WFDC1: variants seen among roughly 807,000 people sequenced by gnomAD.
The protein encoded by WFDC1 is WAP four-disulfide core domain protein 1.
In WFDC1, 39 loss-of-function variants were observed where a neutral mutation model predicts 32.9. The observed-to-expected ratio is 1.19, with a 90% confidence interval of 0.92 to 1.55. WFDC1 has a LOEUF of 1.55. Ranked by LOEUF, WFDC1 falls within the 40% of genes most tolerant of loss-of-function variation. The pLI is 0.00. For missense variants in WFDC1, 386 were observed against 309.5 expected (o/e 1.25, Z -1.85); for synonymous variants, 184 against 137.4 (o/e 1.34, Z -2.37).
At chr16:84,296,244 G>T (rs1036999677) in intron 1 of WFDC1, among the ~76,000 whole-genome samples, 3 of 152,226 alleles carry the variant, frequency 2.0e-5, no homozygotes, top group Non-Finnish European at 4.4e-5. Context: ...AGCTGGCAGT[G>T]CATCTTGGCA....
chr16:84,322,147 G>A (rs982438713), intron 4 of WFDC1, among the ~76,000 whole-genome samples: 2 of 104,592 alleles, frequency 1.9e-5, no homozygotes, highest in Admixed American at 1.1e-4. Context: ...CTCAGAGCCT[G>A]TGTGTGTGTG....
intron 4 of WFDC1, among the ~76,000 whole-genome samples, chr16:84,322,594 T>C (rs906648900): frequency 7.9e-5 from 12 of 152,170 alleles, no homozygotes; most frequent in African/African-American, 2.9e-4. Context: ...TCTGGACCAT[T>C]TGAGAGTAAG....
At chr16:84,310,098 G>C (rs575317958) in intron 1 of WFDC1, among the ~76,000 whole-genome samples, 1 of 152,216 alleles carries the variant, frequency 6.6e-6, no homozygotes, top group Admixed American at 6.5e-5. Context: ...AGACACAGGA[G>C]GCTCGAGGCC....
At chr16:84,303,761 G>A (rs376301430) in intron 1 of WFDC1, among the ~76,000 whole-genome samples, 22 of 152,158 alleles carry the variant, frequency 1.4e-4, no homozygotes, top group African/African-American at 4.8e-4. Flanking sequence ...CGTCCTAACT[G>A]CCTAGTTTTG....
intron 1 of WFDC1, among the ~76,000 whole-genome samples, chr16:84,309,868 T>TTG (rs10541544): frequency 1.6e-3 from 234 of 150,698 alleles, no homozygotes; most frequent in African/African-American, 5.1e-3. Context: ...GGGGGCGTGC[T>TTG]TGTGTGTGTG....
chr16:84,317,992 T>A, intron 2 of WFDC1: 2 of 350,992 alleles, frequency 5.7e-6, no homozygotes, highest in South Asian at 6.5e-5. Context: ...GAGCCCCGAT[T>A]GGAGGGTGAG....
intron 1 of WFDC1, among the ~76,000 whole-genome samples, chr16:84,306,769 T>TTCATCATCATCATCA (rs56850546): frequency 4.0e-5 from 6 of 151,376 alleles, no homozygotes; most frequent in African/African-American, 9.7e-5. Flanking sequence ...CATCCTCATC[T>TTCATCATCATCATCA]TCATCATCAT....
chr16:84,300,819 C>T (rs1906890293), intron 1 of WFDC1, among the ~76,000 whole-genome samples: 1 of 151,952 alleles, frequency 6.6e-6, no homozygotes, highest in Non-Finnish European at 1.5e-5. Context: ...AAAATACAAA[C>T]ATTAGTTGGG....
intron 1 of WFDC1, among the ~76,000 whole-genome samples, chr16:84,304,236 A>G (rs1597665979): frequency 6.6e-6 from 1 of 152,172 alleles, no homozygotes; most frequent in Non-Finnish European, 1.5e-5. Context: ...GTTCATCTAT[A>G]TGAACAAAAG....
intron 3 of WFDC1, 173 bp downstream of exon 3, chr16:84,318,528 G>T (rs1279401795): frequency 1.6e-6 from 1 of 625,440 alleles, no homozygotes; most frequent in Non-Finnish European, 2.9e-6. Context: ...TGATGGCTGG[G>T]GGCTTGGCCA....
chr16:84,313,801 C>T (rs999484728), intron 2 of WFDC1, among the ~76,000 whole-genome samples: 6 of 152,226 alleles, frequency 3.9e-5, no homozygotes, highest in Non-Finnish European at 8.8e-5. Flanking sequence ...TGAGTCTCCT[C>T]TCCTGTGAAA....
intron 1 of WFDC1, among the ~76,000 whole-genome samples, chr16:84,307,239 G>T (rs748832923): frequency 1.9e-4 from 29 of 152,314 alleles, no homozygotes; most frequent in Middle Eastern, 3.4e-3. Flanking sequence ...GGATAAATTG[G>T]AGGGTAAGCT....
chr16:84,318,076 T>C (rs1267390497), intron 2 of WFDC1, 196 bp from the exon 3 acceptor site: 1 of 562,858 alleles, frequency 1.8e-6, no homozygotes, highest in Non-Finnish European at 3.2e-6. Context: ...AGTCCCCAGC[T>C]TTGTGGCCCA....
intron 2 of WFDC1, chr16:84,316,410 G>C (rs942631199): frequency 6.6e-6 from 1 of 151,246 alleles, no homozygotes; most frequent in Non-Finnish European, 1.5e-5. Flanking sequence ...GGAGTCAAAC[G>C]AATGCAGAGG....
At chr16:84,302,411 C>A (rs1906994746) in intron 1 of WFDC1, among the ~76,000 whole-genome samples, 1 of 152,156 alleles carries the variant, frequency 6.6e-6, no homozygotes, top group Non-Finnish European at 1.5e-5. Context: ...GCAGCGAGAA[C>A]CTGAGGCACC....
rs561356785 is a variant in WFDC1 at position 84,323,654 on chromosome 16, C to G, written c.563-765C>G. Among the ~76,000 whole-genome samples the G allele has an allele frequency of 1.5e-4, 23 of 152,322 alleles. No homozygotes were observed. The East Asian group carries it at 3.9e-3, about 26-fold the overall frequency. ...ATTTTTAGGAGAGGAAACTGAGGCT[C>G]AAAGAGGACGAGTGAGGATTCATAC... On this transcript the variant is annotated intron_variant, in intron 4 of 6. Coordinates refer to ENST00000219454, the MANE Select transcript of WFDC1 (RefSeq NM_021197.4).
chr16:84,302,845 C>G (rs74035066), intron 1 of WFDC1, among the ~76,000 whole-genome samples: 10,758 of 152,016 alleles, frequency 0.071, 1,195 homozygotes, highest in African/African-American at 0.24. Context: ...CGCCCGAAAC[C>G]CAGTGGGCCT....
intron 6 of WFDC1, chr16:84,329,083 T>C (rs12373095): frequency 0.25 from 38,117 of 152,058 alleles, 5,631 homozygotes; most frequent in Non-Finnish European, 0.34. Context: ...ATGGAACTGA[T>C]GGTAGGGGAG....
chr16:84,296,462 GAC>G (rs1906603483), intron 1 of WFDC1, among the ~76,000 whole-genome samples: 1 of 152,180 alleles, frequency 6.6e-6, no homozygotes, highest in Non-Finnish European at 1.5e-5. Flanking sequence ...AGGAGAGTCA[GAC>G]AGGGTTTTTA....
Sources: gnomAD v4.1 joint callset for allele counts (sites outside exome capture counted in the v4.1 genomes callset) on GRCh38, gnomAD v4.1.1 for gene constraint, MANE v1.5 for transcripts, NCBI Gene and HGNC (gene_info 2026-07-23, HGNC 2026-07-21) for gene names.